EPS15: variants seen among roughly 807,000 people sequenced by gnomAD.
EPS15 encodes the protein epidermal growth factor receptor substrate 15.
EPS15 carries 72 observed loss-of-function variants against 113.8 expected under a neutral mutation model. The observed-to-expected ratio is 0.63, with a 90% CI of 0.52 to 0.77. The LOEUF is 0.77. EPS15 is among the 30% of genes least tolerant of loss of function. EPS15 has a pLI of 0.00. For missense variants in EPS15, 1,048 were observed against 1,045.8 expected, an observed-to-expected ratio of 1.00 and a Z score of -0.03; for synonymous variants, 344 against 363.4, an observed-to-expected ratio of 0.95 and a Z score of 0.61.
At chr1:51,431,932 A>G (rs1010422379) in intron 12 of EPS15, among the ~76,000 whole-genome samples, 3 of 152,204 alleles carry the variant, frequency 2.0e-5, no homozygotes, top group African/African-American at 7.2e-5. Flanking sequence ...AAGACTCCAG[A>G]GCAATGCCTG....
chr1:51,399,032 C>G lies in EPS15; in HGVS notation c.2052G>C (p.Ser684=). ...FSAANNSSIT[S]VETLKHNDPF... The stretch of plus-strand genomic sequence containing the variant: ...AACAGTTTTTAATTCTCCCACTTAC[C>G]GATGTAATACTGCTATTGTTGGCTG... The change falls in exon 20 of 25, where the codon TCG becomes TCC. Residue 684 remains serine, a splice_region_variant and synonymous_variant. Transcript: ENST00000371733. The G allele has an allele frequency of 6.2e-7, 1 of 1,608,146 alleles. No homozygotes were observed. The highest frequency in any genetic ancestry group is 8.5e-7 in the Non-Finnish European group (1 of 1,177,076).
intron 11 of EPS15, among the ~76,000 whole-genome samples, chr1:51,443,750 TC>T (rs1652791204): frequency 2.0e-5 from 3 of 152,020 alleles, no homozygotes; most frequent in Admixed American, 1.3e-4. Flanking sequence ...ACTCCTGGGT[TC>T]AAGTGATCCT....
chr1:51,399,150 T>C lies in EPS15; in HGVS notation c.1934A>G (p.Asp645Gly). 1 of 1,613,424 alleles carries C rather than the reference T, an allele frequency of 6.2e-7. No individual in the cohort carries two copies. The highest frequency in any genetic ancestry group is 8.5e-7 in the Non-Finnish European group (1 of 1,179,818). ...PFGKIDPFGG[D>G]PFKGSDPFAS... ...AAATGGATCTGAACCTTTGAAAGGA[T>C]CACCACCAAATGGATCTAAAAAAAT... The change falls in exon 20 of 25, where the codon GAT becomes GGT. Residue 645 changes from aspartate (D) to glycine (G), a missense_variant. By Grantham distance (94) the Asp-to-Gly change is moderately conservative (BLOSUM62 -1). Coordinates refer to ENST00000371733, the MANE Select transcript of EPS15 (RefSeq NM_001981.3).
chr1:51,385,130 T>G (rs1647032831), intron 21 of EPS15, among the ~76,000 whole-genome samples: 1 of 152,230 alleles, frequency 6.6e-6, no homozygotes, highest in African/African-American at 2.4e-5. Context: ...CGGACAGTAC[T>G]AACAGAATGA....
At chr1:51,450,247 G>C (rs373460820) in intron 8 of EPS15, among the ~76,000 whole-genome samples, 1 of 151,808 alleles carries the variant, frequency 6.6e-6, no homozygotes, top group East Asian at 1.9e-4. Flanking sequence ...CACTGGGGGG[G>C]GCTGTATTTT....
At chr1:51,445,965 G>C (rs1439830097) in intron 10 of EPS15, among the ~76,000 whole-genome samples, 1 of 152,268 alleles carries the variant, frequency 6.6e-6, no homozygotes, top group South Asian at 2.1e-4. Context: ...GCCTACCCTA[G>C]GCACTCAATA....
At chr1:51,517,955 C>T (rs1157941472) in intron 1 of EPS15, among the ~76,000 whole-genome samples, 1 of 152,154 alleles carries the variant, frequency 6.6e-6, no homozygotes, top group Non-Finnish European at 1.5e-5. Context: ...AACTCCACTG[C>T]CGAAATGTTT....
chr1:51,386,158 C>T (rs554576899), intron 21 of EPS15, among the ~76,000 whole-genome samples: 2 of 152,248 alleles, frequency 1.3e-5, no homozygotes, highest in South Asian at 4.1e-4. Flanking sequence ...TTTTTTCATT[C>T]AATAACATAC....
At chr1:51,446,816 A>C (rs548335570) in intron 10 of EPS15, 144 bp downstream of exon 10, 1 of 679,838 alleles carries the variant, frequency 1.5e-6, no homozygotes, top group African/African-American at 1.8e-5. Flanking sequence ...CATTAGCCAG[A>C]AGAATTCTTC....
At chr1:51,414,201 CA>C (rs1481373049) in intron 13 of EPS15, among the ~76,000 whole-genome samples, 3 of 152,080 alleles carry the variant, frequency 2.0e-5, no homozygotes, top group Non-Finnish European at 2.9e-5. Context: ...GACCTGAGGT[CA>C]GGAGTTCGAG....
At chr1:51,372,128 C>A in intron 21 of EPS15, 1 of 367,662 alleles carries the variant, frequency 2.7e-6, no homozygotes, top group East Asian at 7.2e-5. Context: ...CAATGCATGA[C>A]TATACATAAA....
chr1:51,393,434 T>G (rs772653294), intron 21 of EPS15, among the ~76,000 whole-genome samples: 2 of 152,252 alleles, frequency 1.3e-5, no homozygotes, highest in Non-Finnish European at 2.9e-5. Flanking sequence ...GGTCTCGACC[T>G]CAAGTGATCT....
chr1:51,386,729 A>G (rs926731107), intron 21 of EPS15, among the ~76,000 whole-genome samples: 1 of 152,242 alleles, frequency 6.6e-6, no homozygotes, highest in East Asian at 1.9e-4. Context: ...GTGATGGAAG[A>G]TGAAATGAAT....
Position 51,399,163 on chromosome 1 carries a change from G to A in EPS15, c.1921C>T (p.Pro641Ser). The change falls in exon 20 of 25, where the codon CCA becomes TCA. Residue 641 changes from proline (P) to serine (S), a missense_variant and splice_region_variant. Transcript: ENST00000371733. ...FKDDPFGKID[P>S]FGGDPFKGSD... The stretch of plus-strand genomic sequence containing the variant: ...CCTTTGAAAGGATCACCACCAAATG[G>A]ATCTAAAAAAATAAGGCACGAATAT... 6.2e-7 allele frequency: 1 copy of A among 1,607,728 alleles called. No individual in the cohort carries two copies. Among genetic ancestry groups the A allele is most frequent in the East Asian group, 2.2e-5 (1 of 44,838 alleles).
At chr1:51,376,678 C>A (rs764902070) in intron 21 of EPS15, among the ~76,000 whole-genome samples, 37 of 151,998 alleles carry the variant, frequency 2.4e-4, no homozygotes, top group Non-Finnish European at 5.0e-4. Flanking sequence ...AACAAACAAA[C>A]AAAAAAACCC....
intron 13 of EPS15, among the ~76,000 whole-genome samples, chr1:51,411,717 G>T (rs557349845): frequency 1.1e-3 from 164 of 152,290 alleles, no homozygotes; most frequent in African/African-American, 3.9e-3. Flanking sequence ...ACAGAAGCTG[G>T]AGAGGATGTG....
At chr1:51,426,837 C>CTCTATATATATA (rs377211027) in intron 12 of EPS15, among the ~76,000 whole-genome samples, 150 of 143,632 alleles carry the variant, frequency 1.0e-3, no homozygotes, top group Non-Finnish European at 1.8e-3. Flanking sequence ...CTCTCTCTCT[C>CTCTATATATATA]TATATATATA....
intron 10 of EPS15, among the ~76,000 whole-genome samples, chr1:51,445,800 A>C (rs1652997958): frequency 6.6e-6 from 1 of 152,208 alleles, no homozygotes; most frequent in Non-Finnish European, 1.5e-5. Flanking sequence ...ACCTTGGCTA[A>C]GTTTTTTAAC....
At chr1:51,467,092 A>G (rs1380291739) in intron 5 of EPS15, among the ~76,000 whole-genome samples, 2 of 152,234 alleles carry the variant, frequency 1.3e-5, no homozygotes, top group Admixed American at 6.5e-5. Flanking sequence ...AAGCTATTCA[A>G]CCTCACTCCA....
Sources: allele counts gnomAD v4.1 joint callset (sites outside exome capture counted in the v4.1 genomes callset), GRCh38; gene constraint gnomAD v4.1.1; transcripts MANE v1.5; gene names NCBI Gene and HGNC (gene_info 2026-07-23, HGNC 2026-07-21).